The following AFG1L variants were observed in gnomAD, a reference collection of about 807,000 sequenced individuals.
AFG1L encodes the protein AFG1-like ATPase.
A neutral mutation model predicts 62.2 loss-of-function variants in AFG1L; 53 were observed. That is an observed-to-expected ratio of 0.85 (90% CI 0.68 to 1.07). The LOEUF is 1.07. AFG1L is among the 50% of genes least tolerant of loss of function. The pLI, the probability that AFG1L is intolerant of heterozygous loss-of-function variation, is 0.00. For synonymous variants in AFG1L, 228 were observed against 210.3 expected, an observed-to-expected ratio of 1.08 and a Z score of -0.73; for missense variants, 555 against 590.5, an observed-to-expected ratio of 0.94 and a Z score of 0.62.
chr6:108,446,659 C>A (rs1771820040), intron 7 of AFG1L, among the ~76,000 whole-genome samples: 2 of 152,048 alleles, frequency 1.3e-5, no homozygotes, highest in Admixed American at 6.6e-5. Flanking sequence ...CGTGTGCCAC[C>A]ACGCCCAGCT....
At chr6:108,329,798 G>A (rs1283225695) in intron 2 of AFG1L, among the ~76,000 whole-genome samples, 2 of 152,102 alleles carry the variant, frequency 1.3e-5, no homozygotes, top group African/African-American at 4.8e-5. Flanking sequence ...CTCCAGTGAT[G>A]GAGTTCTTTA....
intron 1 of AFG1L, among the ~76,000 whole-genome samples, chr6:108,296,769 T>C (rs181439221): frequency 5.1e-4 from 77 of 152,352 alleles, no homozygotes; most frequent in African/African-American, 1.8e-3. Flanking sequence ...TTTATGAACA[T>C]TAAAGATTTA....
chr6:108,377,265 G>A (rs1010673669), intron 6 of AFG1L, among the ~76,000 whole-genome samples: 1 of 152,126 alleles, frequency 6.6e-6, no homozygotes, highest in African/African-American at 2.4e-5. Context: ...ATATTGATAT[G>A]TGAAGTTTTG....
intron 2 of AFG1L, among the ~76,000 whole-genome samples, chr6:108,339,621 G>A (rs1365685877): frequency 6.6e-6 from 1 of 151,848 alleles, no homozygotes; most frequent in Non-Finnish European, 1.5e-5. Context: ...CACCATGTCT[G>A]GCTAATTTTT....
At chr6:108,356,402 G>A (rs1357170509) in intron 4 of AFG1L, among the ~76,000 whole-genome samples, 1 of 152,140 alleles carries the variant, frequency 6.6e-6, no homozygotes, top group Admixed American at 6.5e-5. Context: ...TGGATGTGTT[G>A]ATGCATCTAA....
chr6:108,332,769 G>A (rs1778323952), intron 2 of AFG1L, among the ~76,000 whole-genome samples: 1 of 151,932 alleles, frequency 6.6e-6, no homozygotes, highest in African/African-American at 2.4e-5. Context: ...CACCATGCCT[G>A]GCTAATTTTT....
intron 6 of AFG1L, among the ~76,000 whole-genome samples, chr6:108,366,895 CA>C (rs1779785580): frequency 6.6e-6 from 1 of 152,122 alleles, no homozygotes; most frequent in Non-Finnish European, 1.5e-5. Flanking sequence ...TAAGAAACCA[CA>C]AATATTTCAT....
intron 8 of AFG1L, among the ~76,000 whole-genome samples, chr6:108,475,587 T>C (rs1773074299): frequency 6.6e-6 from 1 of 152,212 alleles, no homozygotes; most frequent in Non-Finnish European, 1.5e-5. Context: ...TTCATTATTT[T>C]AATACCACTC....
intron 2 of AFG1L, among the ~76,000 whole-genome samples, chr6:108,341,669 G>A (rs181504358): frequency 4.5e-4 from 69 of 152,076 alleles, no homozygotes; most frequent in Middle Eastern, 3.4e-3. Flanking sequence ...CTTATGCTTG[G>A]TGGAGGTAGG....
chr6:108,300,743 G>T (rs1776962267), intron 1 of AFG1L, among the ~76,000 whole-genome samples: 5 of 151,640 alleles, frequency 3.3e-5, no homozygotes, highest in Admixed American at 3.3e-4. Flanking sequence ...AGCGATGTCG[G>T]CTCACTGCAA....
At chr6:108,400,370 A>G (rs1359979413) in intron 6 of AFG1L, among the ~76,000 whole-genome samples, 3 of 151,158 alleles carry the variant, frequency 2.0e-5, no homozygotes, top group Non-Finnish European at 4.4e-5. Context: ...TTATTTCTAT[A>G]CCTAGTTTTC....
chr6:108,464,499 C>T (rs1217949843), intron 8 of AFG1L, among the ~76,000 whole-genome samples: 3 of 152,146 alleles, frequency 2.0e-5, no homozygotes, highest in African/African-American at 7.2e-5. Flanking sequence ...ATCCAGGGTA[C>T]TGTACTCACA....
chr6:108,408,317 T>A (rs1371637533), intron 7 of AFG1L, among the ~76,000 whole-genome samples: 1 of 152,182 alleles, frequency 6.6e-6, no homozygotes, highest in African/African-American at 2.4e-5. Context: ...TGGTATTCAT[T>A]GAGGTATTTC....
At chr6:108,503,276 CGCTATATGTGGCAGCTATG>C (rs905484375) in intron 10 of AFG1L, among the ~76,000 whole-genome samples, 1 of 152,156 alleles carries the variant, frequency 6.6e-6, no homozygotes, top group African/African-American at 2.4e-5. Flanking sequence ...TCACAGGAAT[CGCTATATGTGGCAGCTATG>C]GCCTTCCAAA....
At chr6:108,402,683 G>C (rs1054547383) in intron 7 of AFG1L, among the ~76,000 whole-genome samples, 3 of 151,906 alleles carry the variant, frequency 2.0e-5, no homozygotes, top group African/African-American at 7.2e-5. Flanking sequence ...ATTGAGGTAT[G>C]CTCATAAATA....
chr6:108,483,220 A>C (rs1190423583), intron 10 of AFG1L, among the ~76,000 whole-genome samples: 5 of 109,004 alleles, frequency 4.6e-5, no homozygotes, highest in Admixed American at 1.2e-4. Context: ...TCAAAAAAAC[A>C]GAAGTATTTT....
At chr6:108,407,392 G>C (rs1028848071) in intron 7 of AFG1L, among the ~76,000 whole-genome samples, 1 of 152,106 alleles carries the variant, frequency 6.6e-6, no homozygotes, top group Non-Finnish European at 1.5e-5. Context: ...GGATATATGA[G>C]TCAAAGATAA....
rs1779263183 is a variant in AFG1L, at chr6:108,355,723, A to G, written c.485A>G (p.His162Arg). Residue 162 changes from histidine (H) to arginine (R), a missense_variant, in exon 4 of 13, where the codon CAT (histidine) becomes CGT (arginine). By Grantham distance (29) the His-to-Arg change is conservative (BLOSUM62 0). Coordinates refer to ENST00000368977, the MANE Select transcript of AFG1L (RefSeq NM_145315.5). Reference sequence around the variant, plus strand: ...GAAATGAAGAGGAAAAAACGGGTTCATTTTCATGGTTTCATGCTAGATGTG... The same window carrying G: ...GAAATGAAGAGGAAAAAACGGGTTCGTTTTCATGGTTTCATGCTAGATGTG... ...YVEMKRKKRV[H>R]FHGFMLDVHK... is the part of the protein sequence containing the mutation. 3 of 1,611,098 alleles carry G rather than the reference A, an allele frequency of 1.9e-6. No homozygotes were observed. Among genetic ancestry groups the G allele is most frequent in the African/African-American group, 1.3e-5 (1 of 74,956 alleles).
chr6:108,507,480 C>T (rs963746776), intron 10 of AFG1L, among the ~76,000 whole-genome samples: 4 of 152,126 alleles, frequency 2.6e-5, no homozygotes, highest in African/African-American at 9.7e-5. Flanking sequence ...AATGCAGAAC[C>T]TACTGACAAA....
Sources: gnomAD v4.1 joint callset for allele counts (sites outside exome capture counted in the v4.1 genomes callset) on GRCh38, gnomAD v4.1.1 for gene constraint, MANE v1.5 for transcripts, NCBI Gene and HGNC (gene_info 2026-07-23, HGNC 2026-07-21) for gene names.